The following VGLL4 variants were observed in gnomAD, a reference collection of about 807,000 sequenced individuals.
VGLL4 encodes the protein transcription cofactor vestigial-like protein 4.
A neutral mutation model predicts 21.0 loss-of-function variants in VGLL4; 7 were observed. That is an observed-to-expected ratio of 0.33 (90% CI 0.19 to 0.63). The LOEUF is 0.63. Among genes scored for constraint, VGLL4 ranks in the 20% least tolerant of loss-of-function variants. The pLI is 0.78. For missense variants in VGLL4, 394 were observed against 425.7 expected, an observed-to-expected ratio of 0.93 and a Z score of 0.66; for synonymous variants, 222 against 173.2, an observed-to-expected ratio of 1.28 and a Z score of -2.21.
chr3:11,606,931 C>T lies in VGLL4; in HGVS notation c.83-4909G>A, dbSNP rs1411153257. Among the ~76,000 whole-genome samples the T allele has an allele frequency of 5.3e-5, 8 of 152,224 alleles. No individual in the cohort carries two copies. In the South Asian group the frequency reaches 6.2e-4, roughly 12 times the overall value. ...CCTTTAAGAGCTGTAACACTCACCG[C>T]GAAGGTCCCCAGCTTCATTCTTGAA... On this transcript the variant is annotated intron_variant, in intron 1 of 4. Coordinates refer to ENST00000430365, the MANE Select transcript of VGLL4 (RefSeq NM_001128219.3).
rs140075719 is a variant in VGLL4 at position 11,576,590 on chromosome 3, C to T, written c.273-11571G>A. 2.9e-4 allele frequency among the ~76,000 whole-genome samples: 44 copies of T among 152,364 alleles called. No individual in the cohort carries two copies. The East Asian group carries it at 8.3e-3, about 29-fold the overall frequency. On this transcript the variant is annotated intron_variant, in intron 2 of 4. Transcript: ENST00000430365. ...TCAGCATGTCGGCATCCTGCCTTGC[C>T]ATCCTCCGGGGACTACTTGAGACAG...
At chr3:11,642,065 T>C (rs1318448101) in intron 1 of VGLL4, among the ~76,000 whole-genome samples, 1 of 151,278 alleles carries the variant, frequency 6.6e-6, no homozygotes, top group Non-Finnish European at 1.5e-5. Context: ...GACTACAATG[T>C]GTGAATGTCA....
At position 11,564,691 on chromosome 3, in the gene VGLL4, T is replaced by TCCCTCCCTCACCACCG. The variant is rs1303520340; in HGVS notation, c.495+90_495+105dup. 5.0e-3 allele frequency: 6,346 copies of TCCCTCCCTCACCACCG among 1,277,052 alleles called. 35 individuals are homozygous for TCCCTCCCTCACCACCG. The highest frequency in any genetic ancestry group is 7.8e-3 in the Middle Eastern group (30 of 3,830). The allele number at this position is 1,277,052 out of a possible 1,614,324, so 79.1% of individuals were successfully genotyped here. A position where few individuals can be genotyped will look rare whatever the true frequency, so the allele number is the denominator to read the frequency against. On this transcript the variant is annotated intron_variant, in intron 3 of 4. Transcript: ENST00000430365. ...CTCACCACCTCCCTCCCTCACCACC[T>TCCCTCCCTCACCACCG]CCCTCCCTCACCACCGCCCTCGGAG...
At chr3:11,584,421 T>G (rs1226710096) in intron 2 of VGLL4, among the ~76,000 whole-genome samples, 1 of 151,878 alleles carries the variant, frequency 6.6e-6, no homozygotes, top group Non-Finnish European at 1.5e-5. Flanking sequence ...GAATAAATGG[T>G]AGCAGTCACC....
intron 2 of VGLL4, among the ~76,000 whole-genome samples, chr3:11,574,578 AC>A (rs1185472904): frequency 4.6e-5 from 7 of 152,190 alleles, no homozygotes; most frequent in Non-Finnish European, 1.0e-4. Context: ...CACTATGGTC[AC>A]CTAGACCACT....
At chr3:11,632,044 C>T (rs545362643) in intron 1 of VGLL4, among the ~76,000 whole-genome samples, 3 of 152,238 alleles carry the variant, frequency 2.0e-5, no homozygotes, top group South Asian at 2.1e-4. Flanking sequence ...TGAACTTGGC[C>T]GTGCGCAGTG....
intron 2 of VGLL4, among the ~76,000 whole-genome samples, chr3:11,656,882 C>A (rs930329752): frequency 2.6e-5 from 4 of 152,082 alleles, no homozygotes; most frequent in Non-Finnish European, 5.9e-5. Context: ...CATTCAGATG[C>A]CAGGAAAGAG....
intron 1 of VGLL4, among the ~76,000 whole-genome samples, chr3:11,624,746 C>A (rs1405738279): frequency 6.6e-6 from 1 of 152,158 alleles, no homozygotes; most frequent in African/African-American, 2.4e-5. Flanking sequence ...AACTACCAAA[C>A]TGTAAATTTC....
intron 1 of VGLL4, among the ~76,000 whole-genome samples, chr3:11,624,000 C>T (rs938855019): frequency 2.0e-5 from 3 of 152,084 alleles, no homozygotes; most frequent in Non-Finnish European, 4.4e-5. Context: ...CCTCTGTCTC[C>T]CAAAGTGCTG....
At chr3:11,641,495 A>G (rs1188457630) in intron 1 of VGLL4, among the ~76,000 whole-genome samples, 3 of 152,180 alleles carry the variant, frequency 2.0e-5, no homozygotes, top group Non-Finnish European at 2.9e-5. Context: ...GCCCATCTTC[A>G]AAACACCCTC....
In VGLL4 at chr3:11,716,296, C is replaced by T. The variant is rs188902397; in HGVS notation, c.-14+4098G>A. ...CAGCCTGGGCAACAAGAGTGAAACT[C>T]TGTCTCAAAAAAAAAAAAAAAAAAG... On this transcript the variant is annotated intron_variant, in intron 1 of 5. Coordinates refer to the VGLL4 transcript ENST00000273038. Among the ~76,000 whole-genome samples, 92 of 134,186 alleles carry T rather than the reference C, an allele frequency of 6.9e-4. 1 individual carries two copies. The East Asian group carries it at 0.019, about 27-fold the overall frequency. 88.0% of individuals were successfully genotyped at this position (134,186 alleles called of 152,430 possible).
intron 2 of VGLL4, among the ~76,000 whole-genome samples, chr3:11,686,839 G>C (rs976936505): frequency 3.9e-5 from 6 of 152,062 alleles, no homozygotes; most frequent in African/African-American, 9.7e-5. Flanking sequence ...CAATCCATTG[G>C]TGGTTCCTAA....
chr3:11,701,542 A>C (rs2076680842), intron 2 of VGLL4, among the ~76,000 whole-genome samples: 1 of 152,236 alleles, frequency 6.6e-6, no homozygotes, highest in Non-Finnish European at 1.5e-5. Flanking sequence ...AGAGAGGGCA[A>C]GGCAGTCCCA....
chr3:11,581,255 C>T (rs112627635), intron 2 of VGLL4, among the ~76,000 whole-genome samples: 2,154 of 152,102 alleles, frequency 0.014, 58 homozygotes, highest in African/African-American at 0.048. Context: ...TTAGTAGAGA[C>T]GGGGTTTCAC....
At position 11,582,446 on chromosome 3, in the gene VGLL4, G is replaced by C. The variant is rs988012532; in HGVS notation, c.273-17427C>G. On this transcript the variant is annotated intron_variant, in intron 2 of 4. Coordinates refer to ENST00000430365, the MANE Select transcript of VGLL4 (RefSeq NM_001128219.3). ...CCCTGAAAGGAGGGTTGCGAGGTAAGGGGCCTGCTTGCCCCCTGCACTGCA... is the reference window on the plus strand; with the variant it reads ...CCCTGAAAGGAGGGTTGCGAGGTAACGGGCCTGCTTGCCCCCTGCACTGCA... The C allele has an allele frequency of 1.1e-5, 15 of 1,416,786 alleles. No homozygotes were observed. In the Admixed American group the frequency reaches 2.7e-4, roughly 25 times the overall value. The allele number at this position is 1,416,786 out of a possible 1,614,324, so 87.8% of individuals were successfully genotyped here. A position where few individuals can be genotyped will look rare whatever the true frequency, so the allele number is the denominator to read the frequency against.
In VGLL4 at chr3:11,568,457, GAAGGGGACTT is replaced by G; in HGVS notation, c.273-3448_273-3439del. 8.8e-7 allele frequency: 1 copy of G among 1,137,220 alleles called. No individual in the cohort carries two copies. Among genetic ancestry groups the G allele is most frequent in the Admixed American group, 2.1e-5 (1 of 46,770 alleles). The allele number at this position is 1,137,220 out of a possible 1,614,324, so 70.4% of individuals were successfully genotyped here. A position where few individuals can be genotyped will look rare whatever the true frequency, so the allele number is the denominator to read the frequency against. On this transcript the variant is annotated intron_variant, in intron 2 of 4. Coordinates refer to ENST00000430365, the MANE Select transcript of VGLL4 (RefSeq NM_001128219.3). The surrounding 1 kb of genome is among the most constrained non-coding windows in gnomAD (Gnocchi z 5.9). ...CCCACCCTACGCAGGGCAGCAGGGAGAAGGGGACTTCCAGGCCCACTAACTGGAAAGACAG... is the reference window on the plus strand; with the variant it reads ...CCCACCCTACGCAGGGCAGCAGGGAGCCAGGCCCACTAACTGGAAAGACAG...
intron 2 of VGLL4, among the ~76,000 whole-genome samples, chr3:11,576,487 C>T (rs1474756095): frequency 6.6e-6 from 1 of 152,192 alleles, no homozygotes; most frequent in Non-Finnish European, 1.5e-5. Context: ...CTCTATCTTT[C>T]CTTCCTCACT....
chr3:11,662,241 G>A (rs1477721970), intron 2 of VGLL4, among the ~76,000 whole-genome samples: 7 of 152,128 alleles, frequency 4.6e-5, no homozygotes, highest in South Asian at 2.1e-4. Context: ...AACTGCACCC[G>A]AAGCCCACCA....
chr3:11,603,657 C>T (rs772236409), intron 1 of VGLL4, among the ~76,000 whole-genome samples: 1 of 152,244 alleles, frequency 6.6e-6, no homozygotes, highest in Middle Eastern at 3.4e-3. Context: ...CAAATCAAAC[C>T]TCATCAAAAT....
Sources: allele counts gnomAD v4.1 joint callset (sites outside exome capture counted in the v4.1 genomes callset), GRCh38; gene constraint gnomAD v4.1.1; non-coding constraint Gnocchi (gnomAD v3.1); transcripts MANE v1.5; gene names NCBI Gene and HGNC (gene_info 2026-07-23, HGNC 2026-07-21).